PTPRT: variants seen among roughly 807,000 people sequenced by gnomAD.
PTPRT encodes receptor-type tyrosine-protein phosphatase T.
A neutral mutation model predicts 176.8 loss-of-function variants in PTPRT; 56 were observed. The ratio of observed to expected loss-of-function variants is 0.32; its 90% confidence interval spans 0.26 to 0.40. The LOEUF is 0.40. Among genes scored for constraint, PTPRT ranks in the 10% least tolerant of loss-of-function variants. The pLI is 1.00. For synonymous variants in PTPRT, 783 were observed against 739.0 expected (o/e 1.06, Z -0.96); for missense variants, 1,540 against 1,908.2 (o/e 0.81, Z 3.60).
At position 42,508,129 on chromosome 20, in the gene PTPRT, G is replaced by T. The variant is rs2205940; in HGVS notation, c.1154-35567C>A. Among the ~76,000 whole-genome samples, 91 of 143,672 alleles carry T rather than the reference G, an allele frequency of 6.3e-4. 1 individual carries two copies. The highest frequency in any genetic ancestry group is 1.1e-3 in the African/African-American group (43 of 39,718). The allele number at this position is 143,672 out of a possible 152,430, so 94.3% of individuals were successfully genotyped here. A position where few individuals can be genotyped will look rare whatever the true frequency, so the allele number is the denominator to read the frequency against. ...AATAAAATCAGTAATTACCCTTTTT[G>T]TGTGTGTGTGTGTGTGTGTGTATTA... On this transcript the variant is annotated intron_variant, in intron 7 of 30. Coordinates refer to ENST00000373187, the MANE Select transcript of PTPRT (RefSeq NM_007050.6).
intron 3 of PTPRT, 117 bp downstream of exon 3, chr20:42,791,078 A>G (rs208244): frequency 0.31 from 403,461 of 1,288,766 alleles, 67,448 homozygotes; most frequent in East Asian, 0.51. Context: ...GAGGAGAAGC[A>G]CAGTAAACAC....
the PTPRT span, among the ~76,000 whole-genome samples, chr20:42,054,922 C>A: frequency 6.6e-6 from 1 of 152,132 alleles, no homozygotes; most frequent in Non-Finnish European, 1.5e-5. Context: ...CCTCCTCTGA[C>A]CCCCTACTGA....
intron 7 of PTPRT, among the ~76,000 whole-genome samples, chr20:42,551,391 A>T (rs907034293): frequency 6.6e-6 from 1 of 152,124 alleles, no homozygotes; most frequent in Non-Finnish European, 1.5e-5. Context: ...ATCCATAGAC[A>T]AATTTCAATA....
intron 7 of PTPRT, among the ~76,000 whole-genome samples, chr20:42,541,845 A>T (rs1434015350): frequency 3.3e-5 from 5 of 151,616 alleles, no homozygotes; most frequent in Admixed American, 3.3e-4. Flanking sequence ...TTTAAAATTA[A>T]AATTTTAAAA....
chr20:42,610,403 T>G (rs2073956186), intron 7 of PTPRT, among the ~76,000 whole-genome samples: 1 of 151,532 alleles, frequency 6.6e-6, no homozygotes, highest in African/African-American at 2.4e-5. Flanking sequence ...TTTTTTTTTT[T>G]GAGATGGGGT....
At chr20:42,166,516 C>G (rs938440707) in intron 16 of PTPRT, among the ~76,000 whole-genome samples, 8 of 152,226 alleles carry the variant, frequency 5.3e-5, no homozygotes. Context: ...AAACTCTCAA[C>G]TATTTTTTTT....
intron 1 of PTPRT, among the ~76,000 whole-genome samples, chr20:43,054,592 T>C (rs1987166308): frequency 6.6e-6 from 1 of 151,618 alleles, no homozygotes; most frequent in South Asian, 2.1e-4. Context: ...AAAACAACCT[T>C]GGTCCCTGAT....
At chr20:43,150,638 G>A (rs1269985138) in intron 1 of PTPRT, among the ~76,000 whole-genome samples, 1 of 151,988 alleles carries the variant, frequency 6.6e-6, no homozygotes, top group African/African-American at 2.4e-5. Context: ...TGTATTTTTG[G>A]TAGAAATGGG....
intron 1 of PTPRT, among the ~76,000 whole-genome samples, chr20:43,108,617 T>C (rs2012718979): frequency 6.6e-6 from 1 of 152,080 alleles, no homozygotes; most frequent in Admixed American, 6.5e-5. Flanking sequence ...TCAAAGGTCT[T>C]CTGAATCAGA....
chr20:43,133,896 T>G (rs372469107), intron 1 of PTPRT, among the ~76,000 whole-genome samples: 2 of 152,140 alleles, frequency 1.3e-5, no homozygotes, highest in Non-Finnish European at 2.9e-5. Context: ...GGAACTGGCA[T>G]TTCTCACAAG....
At chr20:42,418,007 C>T (rs1319450178) in intron 9 of PTPRT, among the ~76,000 whole-genome samples, 1 of 152,114 alleles carries the variant, frequency 6.6e-6, no homozygotes, top group Admixed American at 6.5e-5. Context: ...CACATAAGCT[C>T]ATTTTATCCT....
At chr20:42,137,667 C>A (rs537094718) in intron 18 of PTPRT, among the ~76,000 whole-genome samples, 1 of 152,342 alleles carries the variant, frequency 6.6e-6, no homozygotes, top group African/African-American at 2.4e-5. Flanking sequence ...ACTAACTCAT[C>A]TAGACTTAAA....
chr20:42,910,408 C>A (rs1215233378), intron 1 of PTPRT, among the ~76,000 whole-genome samples: 1 of 152,184 alleles, frequency 6.6e-6, no homozygotes, highest in African/African-American at 2.4e-5. Flanking sequence ...ATTTTTATAT[C>A]CTCCTTTATC....
At chr20:42,660,891 G>T (rs538479519) in intron 7 of PTPRT, among the ~76,000 whole-genome samples, 3 of 152,058 alleles carry the variant, frequency 2.0e-5, no homozygotes, top group Non-Finnish European at 2.9e-5. Flanking sequence ...TCACTTTGTC[G>T]TCCAGGCTGG....
rs78384238 is a variant in PTPRT, at chr20:42,511,874, T to C, written c.1154-39312A>G. Among the ~76,000 whole-genome samples the C allele has an allele frequency of 7.5e-3, 1,139 of 152,248 alleles. 12 individuals carry two copies. Among genetic ancestry groups the C allele is most frequent in the African/African-American group, 0.026 (1,077 of 41,546 alleles). On this transcript the variant is annotated intron_variant, in intron 7 of 30. Coordinates refer to ENST00000373187, the MANE Select transcript of PTPRT (RefSeq NM_007050.6). The stretch of plus-strand genomic sequence containing the variant: ...AATGACAGCAAAGCACTCCATTCTA[T>C]AGCAACCTCTTTTCTTAACTTAGAA...
chr20:42,732,598 A>C (rs1402955503), intron 6 of PTPRT, among the ~76,000 whole-genome samples: 1 of 152,230 alleles, frequency 6.6e-6, no homozygotes, highest in Non-Finnish European at 1.5e-5. Context: ...AGAACAAAGA[A>C]AACCACAGAG....
intron 1 of PTPRT, among the ~76,000 whole-genome samples, chr20:43,065,577 T>C (rs2011105920): frequency 6.6e-6 from 1 of 152,122 alleles, no homozygotes; most frequent in Non-Finnish European, 1.5e-5. Context: ...GACCCAGAGA[T>C]CTGTTGGTAG....
chr20:42,545,517 A>G (rs2072659290), intron 7 of PTPRT, among the ~76,000 whole-genome samples: 1 of 152,068 alleles, frequency 6.6e-6, no homozygotes, highest in Admixed American at 6.6e-5. Flanking sequence ...CACACTTTCA[A>G]TTCCCCAGCC....
rs1568835605 is a variant in PTPRT, at chr20:43,189,768, G to C, written c.-35C>G. The C allele has an allele frequency of 3.6e-6, 4 of 1,125,010 alleles. No individual in the cohort carries two copies. The highest frequency in any genetic ancestry group is 3.7e-4 in the Middle Eastern group (1 of 2,722). 69.7% of individuals were successfully genotyped at this position (1,125,010 alleles called of 1,614,324 possible). ...GGCGGGCAGCTCAGCCCCTTCCCGCGGGGGCCGGGGCCGGGACTGGGGCGG... is the reference window on the plus strand; with the variant it reads ...GGCGGGCAGCTCAGCCCCTTCCCGCCGGGGCCGGGGCCGGGACTGGGGCGG... On this transcript the variant is annotated 5_prime_UTR_variant, in exon 1 of 31. Transcript: ENST00000373187. The surrounding 1 kb of genome is among the most constrained non-coding windows in gnomAD (Gnocchi z 5.0).
Sources: allele counts gnomAD v4.1 joint callset (sites outside exome capture counted in the v4.1 genomes callset), GRCh38; gene constraint gnomAD v4.1.1; non-coding constraint Gnocchi (gnomAD v3.1); transcripts MANE v1.5; gene names NCBI Gene and HGNC (gene_info 2026-07-23, HGNC 2026-07-21).